Variants in CABIN1 observed in about 807,000 individuals in gnomAD.
CABIN1 encodes the protein calcineurin-binding protein cabin-1.
In CABIN1, 133 loss-of-function variants were observed where a neutral mutation model predicts 227.7. The ratio of observed to expected loss-of-function variants is 0.58; its 90% CI spans 0.51 to 0.67. The LOEUF is 0.67. Ranked by LOEUF, CABIN1 falls within the 30% of genes least tolerant of loss-of-function variation. CABIN1 has a pLI of 0.00. For missense variants in CABIN1, 2,408 were observed against 2,852.5 expected, an observed-to-expected ratio of 0.84 and a Z score of 3.55; for synonymous variants, 1,086 against 1,155.1, an observed-to-expected ratio of 0.94 and a Z score of 1.21.
chr22:24,053,219 A>G (rs1434534952), intron 8 of CABIN1, among the ~76,000 whole-genome samples: 1 of 151,450 alleles, frequency 6.6e-6, no homozygotes, highest in Non-Finnish European at 1.5e-5. Context: ...CTGAGACTAC[A>G]GGTGCCCACC....
intron 29 of CABIN1, among the ~76,000 whole-genome samples, chr22:24,147,327 C>G (rs2045198174): frequency 9.1e-6 from 1 of 110,492 alleles, no homozygotes; most frequent in Admixed American, 8.8e-5. Context: ...CTCCCTCCCT[C>G]CTCTCCTCCC....
chr22:24,018,100 T>C (rs541534982), intron 1 of CABIN1, among the ~76,000 whole-genome samples: 36 of 152,208 alleles, frequency 2.4e-4, no homozygotes, highest in African/African-American at 8.7e-4. Context: ...AGCAATCCTT[T>C]CACCTCGGCT....
chr22:24,107,512 C>G lies in CABIN1; in HGVS notation c.4118-6054C>G, dbSNP rs149007865. 8.3e-4 allele frequency among the ~76,000 whole-genome samples: 127 copies of G among 152,268 alleles called. 1 individual carries two copies. The highest frequency in any genetic ancestry group is 2.9e-3 in the African/African-American group (120 of 41,562). ...CTGCTGTGGATGTTATTTTAAGAGTCTCAGCAGAGTCCCCACTCAATTGGT... is the reference window on the plus strand; with the variant it reads ...CTGCTGTGGATGTTATTTTAAGAGTGTCAGCAGAGTCCCCACTCAATTGGT... On this transcript the variant is annotated intron_variant, in intron 26 of 36. Coordinates refer to ENST00000263119, the MANE Select transcript of CABIN1 (RefSeq NM_012295.4).
At chr22:24,089,723 T>C (rs191487106) in intron 23 of CABIN1, among the ~76,000 whole-genome samples, 145 of 152,326 alleles carry the variant, frequency 9.5e-4, no homozygotes, top group African/African-American at 3.3e-3. Flanking sequence ...AGGACACATG[T>C]TGGCAGCTGT....
chr22:24,091,174 C>A (rs2147212268), intron 23 of CABIN1, among the ~76,000 whole-genome samples: 1 of 152,342 alleles, frequency 6.6e-6, no homozygotes, highest in East Asian at 1.9e-4. Flanking sequence ...GGGGTACACA[C>A]CCTCTCCTGT....
chr22:24,050,872 C>A lies in CABIN1; in HGVS notation c.704C>A (p.Ala235Glu), dbSNP rs370756385. Residue 235 changes from alanine (A) to glutamate (E), a missense_variant, in exon 8 of 37, where the codon GCG becomes GAG. Physicochemically the swap from Ala to Glu is moderately radical, Grantham distance 107. Around this residue, in one of 3 missense-constraint regions of CABIN1, gnomAD observed 1,045 missense variants for 1,168.4 expected, o/e 0.89. Transcript: ENST00000263119. ...TCGGTGAGTGCAGCTGAGACACAGG[C>A]GATTGTAGATGAGGCCTTGGGGCTG... The part of the protein sequence containing the change: ...DVSVSAAETQ[A>E]IVDEALGLRK... 6.2e-7 allele frequency: 1 copy of A among 1,614,038 alleles called. No homozygotes were observed. Among genetic ancestry groups the A allele is most frequent in the Non-Finnish European group, 8.5e-7 (1 of 1,180,054 alleles).
At chr22:24,127,226 G>A (rs2043785874) in intron 28 of CABIN1, among the ~76,000 whole-genome samples, 1 of 152,146 alleles carries the variant, frequency 6.6e-6, no homozygotes, top group African/African-American at 2.4e-5. Context: ...CCCAGGCAGA[G>A]AGTAGGAATT....
intron 24 of CABIN1, among the ~76,000 whole-genome samples, chr22:24,095,320 C>T (rs1270794752): frequency 6.6e-6 from 1 of 152,238 alleles, no homozygotes; most frequent in Non-Finnish European, 1.5e-5. Flanking sequence ...GGCTGTGGGG[C>T]CTTGGGCAGC....
intron 29 of CABIN1, among the ~76,000 whole-genome samples, chr22:24,145,016 A>G (rs1211005201): frequency 1.3e-5 from 2 of 152,350 alleles, no homozygotes; most frequent in African/African-American, 2.4e-5. Context: ...ATGCCTGTGA[A>G]GGACAGAACA....
Position 24,091,741 on chromosome 22 carries a change from G to C in CABIN1, c.3684G>C (p.Leu1228=). The C allele has an allele frequency of 6.2e-7, 1 of 1,614,152 alleles. No homozygotes were observed. Residue 1228 remains leucine (L), a synonymous_variant, in exon 24 of 37, where the codon CTG becomes CTC. Transcript: ENST00000263119. ...KQQQPPTVYL[L]HYRQAGHYLH... ...AGCAGCCACCCACCGTTTACTTGCT[G>C]CACTACAGGCAGGCTGGCCACTACC...
chr22:24,013,155 C>A (rs1368967426), intron 1 of CABIN1, among the ~76,000 whole-genome samples: 4 of 149,088 alleles, frequency 2.7e-5, no homozygotes, highest in African/African-American at 9.9e-5. Context: ...ACATTGCTTA[C>A]AGATGATAAA....
intron 24 of CABIN1, 142 bp downstream of exon 24, chr22:24,091,985 A>G (rs2041576419): frequency 9.6e-6 from 9 of 938,834 alleles, no homozygotes; most frequent in Admixed American, 2.6e-5. Flanking sequence ...TTCATGTGCA[A>G]TTGAATTAAA....
chr22:24,018,411 A>C (rs35787503), intron 1 of CABIN1, among the ~76,000 whole-genome samples: 2,804 of 152,274 alleles, frequency 0.018, 34 homozygotes, highest in Middle Eastern at 0.031. Flanking sequence ...GTTAAAGAGG[A>C]ATTCACCAGT....
At chr22:24,120,809 CT>C (rs1395825085) in intron 28 of CABIN1, among the ~76,000 whole-genome samples, 4 of 152,102 alleles carry the variant, frequency 2.6e-5, no homozygotes, top group African/African-American at 9.7e-5. Context: ...CGAGACTCAT[CT>C]GAAAAACAAA....
chr22:24,091,718 C>T lies in CABIN1; in HGVS notation c.3661C>T (p.Gln1221Ter), dbSNP rs1279141746. 1.2e-6 allele frequency: 2 copies of T among 1,614,158 alleles called. No individual in the cohort carries two copies. Among genetic ancestry groups the T allele is most frequent in the Non-Finnish European group, 1.7e-6 (2 of 1,180,044 alleles). ...GGGCAAGGTGGCTGAGAAGCAGCAG[C>T]AGCCACCCACCGTTTACTTGCTGCA... ...MLGKVAEKQQ[Q>*]PPTVYLLHYR... Residue 1221 changes from glutamine to a stop codon, truncating the protein, a stop_gained, in exon 24 of 37, where the codon CAG becomes TAG. Coordinates refer to ENST00000263119, the MANE Select transcript of CABIN1 (RefSeq NM_012295.4). LOFTEE classifies it high-confidence loss of function.
intron 12 of CABIN1, among the ~76,000 whole-genome samples, chr22:24,060,856 C>T (rs1232607949): frequency 6.6e-6 from 1 of 151,928 alleles, no homozygotes; most frequent in African/African-American, 2.4e-5. Context: ...GCCGAGATGG[C>T]GCCACCGCAC....
chr22:24,155,981 C>A, intron 29 of CABIN1: 1 of 553,518 alleles, frequency 1.8e-6, no homozygotes, highest in South Asian at 2.1e-5. Flanking sequence ...TGCCCCGCCC[C>A]GGCCCGCCGC....
chr22:24,043,846 G>A (rs545591425), intron 6 of CABIN1, among the ~76,000 whole-genome samples: 7 of 152,334 alleles, frequency 4.6e-5, no homozygotes, highest in South Asian at 4.1e-4. Flanking sequence ...CTCTCCAGTT[G>A]TAAACTTGTG....
chr22:24,042,362 C>T (rs1367245407), intron 5 of CABIN1, among the ~76,000 whole-genome samples: 1 of 152,176 alleles, frequency 6.6e-6, no homozygotes, highest in Non-Finnish European at 1.5e-5. Context: ...AGGAGGATCA[C>T]TTGAGGCTAG....
Sources: gnomAD v4.1 joint callset for allele counts (sites outside exome capture counted in the v4.1 genomes callset) on GRCh38, gnomAD v4.1.1 for gene constraint, gnomAD v4.1.1 regional missense constraint, MANE v1.5 for transcripts, NCBI Gene and HGNC (gene_info 2026-07-23, HGNC 2026-07-21) for gene names.